Variants in SUPT16H observed in about 807,000 individuals in gnomAD.
SUPT16H encodes FACT complex subunit SPT16.
SUPT16H carries 24 observed loss-of-function variants against 136.2 expected under a neutral mutation model. The observed-to-expected ratio is 0.18, with a 90% CI of 0.13 to 0.25. The LOEUF (loss-of-function observed/expected upper bound fraction) is 0.25. Among genes scored for constraint, SUPT16H ranks in the 10% least tolerant of loss-of-function variants. The pLI is 1.00. For synonymous variants in SUPT16H, 415 were observed against 428.2 expected (o/e 0.97, Z 0.38); for missense variants, 623 against 1,270.2 (o/e 0.49, Z 7.74).
At chr14:21,383,814 G>A (rs751925125) in intron 1 of SUPT16H, 48 bp downstream of exon 1, 2 of 1,606,144 alleles carry the variant, frequency 1.2e-6, no homozygotes, top group East Asian at 2.2e-5. Context: ...GGGTTATTAT[G>A]GGATGGCTAA....
At chr14:21,369,159 A>T in intron 6 of SUPT16H, 45 bp downstream of exon 6, 1 of 1,572,288 alleles carries the variant, frequency 6.4e-7, no homozygotes, top group East Asian at 2.2e-5. Flanking sequence ...AAGAAAAAAT[A>T]GGCTAAAGTC....
chr14:21,375,268 G>C (rs946088077), intron 1 of SUPT16H, among the ~76,000 whole-genome samples: 16 of 151,770 alleles, frequency 1.1e-4, no homozygotes, highest in Admixed American at 4.6e-4. Context: ...CCCCCACTTG[G>C]CCTCCTGAAG....
rs1346881511 is a variant in SUPT16H at position 21,362,789 on chromosome 14, A to T, written c.1665+5T>A. The T allele has an allele frequency of 6.3e-7, 1 of 1,597,502 alleles. No individual in the cohort carries two copies. The highest frequency in any genetic ancestry group is 8.5e-7 in the Non-Finnish European group (1 of 1,175,292). On this transcript the variant is annotated splice_donor_5th_base_variant and intron_variant, in intron 14 of 25. Coordinates refer to ENST00000216297, the MANE Select transcript of SUPT16H (RefSeq NM_007192.4). ...GATGAAACCTGATGCACTGAATGTC[A>T]GTACCTTGATTGTGGCAATGTGAAA...
In SUPT16H at chr14:21,359,538, C is replaced by G; in HGVS notation, c.2247G>C (p.Thr749=). The G allele has an allele frequency of 1.2e-6, 2 of 1,614,190 alleles. No homozygotes were observed. The highest frequency in any genetic ancestry group is 2.2e-5 in the South Asian group (2 of 91,084). Residue 749 remains threonine (T), a synonymous_variant, in exon 19 of 26, where the codon ACG becomes ACC. Transcript: ENST00000216297. ...GCATATGCTGATGTTTCCCCAAGTC[C>G]GTGGTTATCTCTCCCACTTCTGTGT... is the stretch of plus-strand genomic sequence containing the variant. ...QFYTEVGEIT[T]DLGKHQHMHD...
intron 7 of SUPT16H, among the ~76,000 whole-genome samples, chr14:21,366,949 CT>C (rs1009300037): frequency 6.8e-5 from 10 of 146,832 alleles, no homozygotes; most frequent in African/African-American, 1.0e-4. Flanking sequence ...TGGCCCCATT[CT>C]TTTTTTTTTG....
Position 21,354,401 on chromosome 14 carries a change from A to G in SUPT16H, c.2790+10T>C. 1 of 1,613,054 alleles carries G rather than the reference A, an allele frequency of 6.2e-7. No individual in the cohort carries two copies. Among genetic ancestry groups the G allele is most frequent in the Non-Finnish European group, 8.5e-7 (1 of 1,179,546 alleles). The stretch of plus-strand genomic sequence containing the variant: ...CTGTGTACCAGAAAAGAAACCCCAC[A>G]CTCACGCACCTCACCCTCAGGCTCC... On this transcript the variant is annotated intron_variant, in intron 23 of 25. Transcript: ENST00000216297.
At chr14:21,378,952 T>TG in intron 1 of SUPT16H, among the ~76,000 whole-genome samples, 1 of 152,246 alleles carries the variant, frequency 6.6e-6, no homozygotes, top group African/African-American at 2.4e-5. Context: ...TGATAAAAGT[T>TG]GGAGAAATAG....
At chr14:21,381,690 G>A (rs1056633548) in intron 1 of SUPT16H, among the ~76,000 whole-genome samples, 2 of 151,364 alleles carry the variant, frequency 1.3e-5, no homozygotes, top group African/African-American at 4.9e-5. Context: ...GCTCACTGCA[G>A]CCTCAAACTC....
At chr14:21,383,384 C>A in intron 1 of SUPT16H, 1 of 478,232 alleles carries the variant, frequency 2.1e-6, no homozygotes, top group Non-Finnish European at 3.7e-6. Flanking sequence ...CCAGCAAAAG[C>A]CCCGCAAACG....
Position 21,371,430 on chromosome 14 carries a change from T to G in SUPT16H, c.330+444A>C, listed in dbSNP as rs1886783300. Among the ~76,000 whole-genome samples the G allele has an allele frequency of 2.6e-5, 4 of 152,294 alleles. 1 individual carries two copies. In the South Asian group the frequency reaches 8.3e-4, roughly 32 times the overall value. On this transcript the variant is annotated intron_variant, in intron 3 of 25. Transcript: ENST00000216297. Reference sequence around the variant, plus strand: ...ACCACGTCTGATACAACTATCCTTTTTCTTCAGAAACAGTTAAGAAACTCA... The same window carrying G: ...ACCACGTCTGATACAACTATCCTTTGTCTTCAGAAACAGTTAAGAAACTCA...
intron 18 of SUPT16H, 82 bp from the exon 19 acceptor site, chr14:21,359,691 G>A: frequency 1.3e-6 from 2 of 1,524,732 alleles, no homozygotes; most frequent in South Asian, 1.3e-5. Flanking sequence ...CCAAACTTGG[G>A]CCTCCACAGC....
chr14:21,357,155 G>C (rs754844574), intron 22 of SUPT16H, 42 bp downstream of exon 22: 31 of 1,486,054 alleles, frequency 2.1e-5, no homozygotes, highest in Non-Finnish European at 2.7e-5. Context: ...TATAAAACAG[G>C]GCTCATGGGC....
chr14:21,357,106 A>G (rs1594297905), intron 22 of SUPT16H, 91 bp downstream of exon 22: 34 of 1,292,602 alleles, frequency 2.6e-5, no homozygotes, highest in Non-Finnish European at 3.5e-5. Context: ...CTTTAAGTAT[A>G]TCAGTAGATT....
rs1476853270 is a variant in SUPT16H at position 21,364,817 on chromosome 14, C to G, written c.1233+10G>C. ...TCATGAAGACTCCAAAGTTTAGACACAATACACACCTCATCCACAAGCACT... is the reference window on the plus strand; with the variant it reads ...TCATGAAGACTCCAAAGTTTAGACAGAATACACACCTCATCCACAAGCACT... On this transcript the variant is annotated intron_variant, in intron 10 of 25. Coordinates refer to ENST00000216297, the MANE Select transcript of SUPT16H (RefSeq NM_007192.4). The G allele has an allele frequency of 1.2e-6, 2 of 1,610,606 alleles. No homozygotes were observed. The highest frequency in any genetic ancestry group is 1.7e-6 in the Non-Finnish European group (2 of 1,178,590).
At position 21,360,848 on chromosome 14, in the gene SUPT16H, T is replaced by C; in HGVS notation, c.2054A>G (p.Asn685Ser). The C allele has an allele frequency of 2.5e-6, 4 of 1,613,794 alleles. No homozygotes were observed. The highest frequency in any genetic ancestry group is 3.4e-6 in the Non-Finnish European group (4 of 1,179,882). Reference sequence around the variant, plus strand: ...GGTACAGGAGAGATCATCCATACCATTGACATGGGCCTCCAGTGAGCCTTG... The same window carrying C: ...GGTACAGGAGAGATCATCCATACCACTGACATGGGCCTCCAGTGAGCCTTG... ...RMQGSLEAHV[N>S]GFRFTSVRGD... Residue 685 changes from asparagine to serine, a missense_variant and splice_region_variant, in exon 17 of 26, where the codon AAT (asparagine) becomes AGT (serine). Transcript: ENST00000216297.
In SUPT16H at chr14:21,365,104, T is replaced by C. The variant is rs376133077; in HGVS notation, c.1086A>G (p.Val362=). 7.4e-6 allele frequency: 12 copies of C among 1,613,786 alleles called. No homozygotes were observed. Among genetic ancestry groups the C allele is most frequent in the Non-Finnish European group, 1.0e-5 (12 of 1,179,902 alleles). ...GTTTGTATTGATTTTTGCTATTGATTACTAGGGAGCCTTCACGGAATTCAA... is the reference window on the plus strand; with the variant it reads ...GTTTGTATTGATTTTTGCTATTGATCACTAGGGAGCCTTCACGGAATTCAA... ...MGIEFREGSL[V]INSKNQYKLK... is the part of the protein sequence containing the mutation. Residue 362 remains valine (V), a synonymous_variant, in exon 9 of 26, where the codon GTA becomes GTG. Transcript: ENST00000216297.
At position 21,368,269 on chromosome 14, in the gene SUPT16H, C is replaced by CA; in HGVS notation, c.954dup (p.Gly319TrpfsTer6). Reference sequence around the variant, plus strand: ...AACCTCCTTTTCTAAGGCACCTCACCATGTCTTAATTCCTTCAGCAGCTCC... The same window carrying CA: ...AACCTCCTTTTCTAAGGCACCTCACCAATGTCTTAATTCCTTCAGCAGCTCC... On this transcript the variant is annotated frameshift_variant and splice_region_variant, in exon 7 of 26. Coordinates refer to ENST00000216297, the MANE Select transcript of SUPT16H (RefSeq NM_007192.4). LOFTEE classifies it high-confidence loss of function. The CA allele has an allele frequency of 6.2e-7, 1 of 1,608,780 alleles. No homozygotes were observed. The highest frequency in any genetic ancestry group is 8.5e-7 in the Non-Finnish European group (1 of 1,177,784).
intron 25 of SUPT16H, 60 bp downstream of exon 25, chr14:21,353,428 G>T (rs950409824): frequency 1.3e-6 from 2 of 1,527,920 alleles, no homozygotes; most frequent in African/African-American, 1.4e-5. Flanking sequence ...TCAAAATATT[G>T]AAATGTGTTA....
rs28364671 is a variant in SUPT16H, at chr14:21,383,989, C to A, written c.-62G>T. 799 of 1,596,548 alleles carry A rather than the reference C, an allele frequency of 5.0e-4. 6 individuals carry two copies. The East Asian group carries it at 0.014, about 28-fold the overall frequency. ...CACGCGAGGTCCCGGCTCAGCCACC[C>A]GCTCTCGGCCCAGGAATCCCGCACT... On this transcript the variant is annotated 5_prime_UTR_variant, in exon 1 of 26. Transcript: ENST00000216297.
Sources: allele counts gnomAD v4.1 joint callset (sites outside exome capture counted in the v4.1 genomes callset), GRCh38; gene constraint gnomAD v4.1.1; transcripts MANE v1.5; gene names NCBI Gene and HGNC (gene_info 2026-07-23, HGNC 2026-07-21).